USP46: variants seen among roughly 807,000 people sequenced by gnomAD.
USP46 encodes ubiquitin specific peptidase 46.
A neutral mutation model predicts 44.4 loss-of-function variants in USP46; 12 were observed. That is an observed-to-expected ratio of 0.27 (90% CI 0.17 to 0.44). The LOEUF (loss-of-function observed/expected upper bound fraction) is 0.44, where lower values mean the gene tolerates loss of function less well. Among genes scored for constraint, USP46 ranks in the 20% least tolerant of loss-of-function variants. The probability of loss-of-function intolerance (pLI) is 1.00; values close to 1 mark genes in which losing one functional copy is unlikely to be tolerated. For synonymous variants in USP46, 155 were observed against 161.5 expected (o/e 0.96, Z 0.31); for missense variants, 248 against 444.8 (o/e 0.56, Z 3.98).
At chr4:52,637,745 C>T (rs1461601862) in intron 1 of USP46, among the ~76,000 whole-genome samples, 1 of 152,182 alleles carries the variant, frequency 6.6e-6, no homozygotes, top group Non-Finnish European at 1.5e-5. Flanking sequence ...ACTGTCAACG[C>T]TGCAAAAAGT....
chr4:52,593,502 G>A lies in USP46; in HGVS notation c.*4138C>T, dbSNP rs1318124388. 2.6e-5 allele frequency: 4 copies of A among 152,268 alleles called. No individual in the cohort carries two copies. Among genetic ancestry groups the A allele is most frequent in the Non-Finnish European group, 5.9e-5 (4 of 68,074 alleles). The allele number at this position is 152,268 out of a possible 1,614,324, so 9.4% of individuals were successfully genotyped here. ...ATTGGGCCCAAGCATGTATTCCGAT[G>A]ACAATCTTCTGTCCACCCACAGGTG... On this transcript the variant is annotated 3_prime_UTR_variant, in exon 9 of 9. Transcript: ENST00000441222.
chr4:52,627,906 C>A, intron 3 of USP46, 44 bp downstream of exon 3: 1 of 1,561,398 alleles, frequency 6.4e-7, no homozygotes, highest in Non-Finnish European at 8.7e-7. Context: ...CATCAATTCT[C>A]CTTATTTCAG....
At chr4:52,629,948 T>C (rs1452145140) in intron 2 of USP46, among the ~76,000 whole-genome samples, 1 of 152,196 alleles carries the variant, frequency 6.6e-6, no homozygotes, top group African/African-American at 2.4e-5. Context: ...TCCTATTATA[T>C]CATGGGCAGC....
At chr4:52,635,982 G>A (rs1467426064) in intron 1 of USP46, among the ~76,000 whole-genome samples, 1 of 152,070 alleles carries the variant, frequency 6.6e-6, no homozygotes, top group Non-Finnish European at 1.5e-5. Context: ...ATGTATATAG[G>A]CAGAATAGTA....
Position 52,609,898 on chromosome 4 carries a change from C to CTTT in USP46, c.638+640_638+642dup, listed in dbSNP as rs66817554. On this transcript the variant is annotated intron_variant, in intron 5 of 8. Transcript: ENST00000441222. ...GGAAACCTAAACCTCAATTCTATTTCTTTTTTTTTTTTTTTTTTTTTTTTT... is the reference window on the plus strand; with the variant it reads ...GGAAACCTAAACCTCAATTCTATTTCTTTTTTTTTTTTTTTTTTTTTTTTTTTT... Among the ~76,000 whole-genome samples, 121 of 24,576 alleles carry CTTT rather than the reference C, an allele frequency of 4.9e-3. 27 individuals carry two copies. The highest frequency in any genetic ancestry group is 6.5e-3 in the Non-Finnish European group (79 of 12,204). The allele number at this position is 24,576 out of a possible 152,430, so 16.1% of individuals were successfully genotyped here. A position where few individuals can be genotyped will look rare whatever the true frequency, so the allele number is the denominator to read the frequency against.
At chr4:52,622,644 T>G (rs534479328) in intron 4 of USP46, among the ~76,000 whole-genome samples, 1 of 152,148 alleles carries the variant, frequency 6.6e-6, no homozygotes, top group Non-Finnish European at 1.5e-5. Context: ...GAAATACATA[T>G]AGATAAATAT....
At position 52,597,720 on chromosome 4, in the gene USP46, CA is replaced by C; in HGVS notation, c.1020del (p.Ile340MetfsTer7). The C allele has an allele frequency of 6.2e-7, 1 of 1,601,466 alleles. No homozygotes were observed. Among genetic ancestry groups the C allele is most frequent in the Non-Finnish European group, 8.5e-7 (1 of 1,174,028 alleles). Reference sequence around the variant, plus strand: ...TCTGACGTCAGGCCATAGAATTCTTCAATAGCTTGAGCATCTATTTTCTGCA... The same window carrying C: ...TCTGACGTCAGGCCATAGAATTCTTCATAGCTTGAGCATCTATTTTCTGCA... ...DIVEKIDAQA[I>X]EEFYGLTSDI... On this transcript the variant is annotated frameshift_variant, in exon 9 of 9. Transcript: ENST00000441222. LOFTEE classifies it high-confidence loss of function.
At chr4:52,642,851 C>T (rs2109656698) in intron 1 of USP46, among the ~76,000 whole-genome samples, 1 of 152,236 alleles carries the variant, frequency 6.6e-6, no homozygotes, top group East Asian at 1.9e-4. Flanking sequence ...AACCATTCTA[C>T]ACCTAATAAT....
At chr4:52,605,785 C>T (rs1716665369) in intron 5 of USP46, among the ~76,000 whole-genome samples, 1 of 152,174 alleles carries the variant, frequency 6.6e-6, no homozygotes, top group Non-Finnish European at 1.5e-5. Context: ...GTTTCCAGTG[C>T]ACTTATCCAC....
chr4:52,627,880 T>G, intron 3 of USP46, 70 bp downstream of exon 3: 13 of 1,471,492 alleles, frequency 8.8e-6, no homozygotes, highest in Non-Finnish European at 1.0e-5. Context: ...CTCTTCCTTT[T>G]GAGGAGATAC....
At chr4:52,615,378 G>A (rs1577669543) in intron 4 of USP46, among the ~76,000 whole-genome samples, 1 of 152,142 alleles carries the variant, frequency 6.6e-6, no homozygotes, top group Non-Finnish European at 1.5e-5. Context: ...GTTTGTAGAG[G>A]GCTAATATCA....
chr4:52,624,116 C>T (rs961331936), intron 4 of USP46, among the ~76,000 whole-genome samples: 7 of 151,092 alleles, frequency 4.6e-5, no homozygotes, highest in Admixed American at 2.6e-4. Flanking sequence ...GGGGGGTTGG[C>T]GGGGAGGATT....
intron 4 of USP46, among the ~76,000 whole-genome samples, chr4:52,616,447 A>G (rs1244692264): frequency 6.6e-6 from 1 of 151,830 alleles, no homozygotes; most frequent in African/African-American, 2.4e-5. Context: ...ATCTCAGCTC[A>G]CTGCAACCTC....
chr4:52,657,216 T>C (rs1200674539), intron 1 of USP46, among the ~76,000 whole-genome samples: 1 of 152,070 alleles, frequency 6.6e-6, no homozygotes, highest in East Asian at 1.9e-4. Flanking sequence ...GGTACCTTTT[T>C]AGGTCTCCAC....
chr4:52,630,701 C>T (rs1717787021), intron 2 of USP46, among the ~76,000 whole-genome samples: 1 of 142,092 alleles, frequency 7.0e-6, no homozygotes, highest in Non-Finnish European at 1.5e-5. Context: ...TGTGCCATTG[C>T]ACTCCAACCT....
chr4:52,629,023 T>C (rs1428764411), intron 2 of USP46, among the ~76,000 whole-genome samples: 1 of 152,196 alleles, frequency 6.6e-6, no homozygotes, highest in Non-Finnish European at 1.5e-5. Flanking sequence ...ACTTTAGAAT[T>C]TGTTGTGCAC....
At chr4:52,599,023 C>T (rs556087166) in intron 7 of USP46, among the ~76,000 whole-genome samples, 2 of 152,298 alleles carry the variant, frequency 1.3e-5, no homozygotes, top group East Asian at 3.9e-4. Context: ...GGGGAAGAAG[C>T]AGTGAACAAA....
At chr4:52,607,645 C>T (rs1170988413) in intron 5 of USP46, among the ~76,000 whole-genome samples, 1 of 152,166 alleles carries the variant, frequency 6.6e-6, no homozygotes, top group Admixed American at 6.5e-5. Flanking sequence ...GTAACTGGAT[C>T]ACGGGGGCAG....
At chr4:52,604,468 A>G in intron 6 of USP46, 33 bp downstream of exon 6, 1 of 1,578,938 alleles carries the variant, frequency 6.3e-7, no homozygotes, top group African/African-American at 1.4e-5. Flanking sequence ...TTCTCACCAC[A>G]CAAAGATAAC....
Sources: gnomAD v4.1 joint callset for allele counts (sites outside exome capture counted in the v4.1 genomes callset) on GRCh38, gnomAD v4.1.1 for gene constraint, MANE v1.5 for transcripts, NCBI Gene and HGNC (gene_info 2026-07-23, HGNC 2026-07-21) for gene names.